PDZD2: variants seen among roughly 807,000 people sequenced by gnomAD.
PDZD2 encodes PDZ domain containing 2.
In PDZD2, 90 loss-of-function variants were observed where a neutral mutation model predicts 220.7. That is an observed-to-expected ratio of 0.41 (90% CI 0.34 to 0.49). PDZD2 has a LOEUF of 0.49. PDZD2 is among the 20% of genes least tolerant of loss of function. The probability of loss-of-function intolerance (pLI) is 0.28; values close to 1 mark genes in which losing one functional copy is unlikely to be tolerated. For synonymous variants in PDZD2, 1,375 were observed against 1,450.5 expected, an observed-to-expected ratio of 0.95 and a Z score of 1.18; for missense variants, 3,174 against 3,608.5, an observed-to-expected ratio of 0.88 and a Z score of 3.08.
At position 32,098,369 on chromosome 5, in the gene PDZD2, C is replaced by T; in HGVS notation, c.7953C>T (p.His2651=). 1.2e-6 allele frequency: 2 copies of T among 1,613,934 alleles called. No homozygotes were observed. Among genetic ancestry groups the T allele is most frequent in the Non-Finnish European group, 1.7e-6 (2 of 1,179,906 alleles). The part of the protein sequence containing the change: ...TDVEPKSITV[H]RVFSQGAASQ... ...TTTTCCTTTCCTCATCCCAGGTCCACAGGGTGTTTTCTCAGGGGGCGGCTT... is the reference window on the plus strand; with the variant it reads ...TTTTCCTTTCCTCATCCCAGGTCCATAGGGTGTTTTCTCAGGGGGCGGCTT... The change falls in exon 23 of 25, where the codon CAC becomes CAT. Residue 2651 remains histidine, a synonymous_variant. Coordinates refer to ENST00000438447, the MANE Select transcript of PDZD2 (RefSeq NM_178140.4). This position sits in a 1 kb window ranked among gnomAD's most constrained non-coding sequence, Gnocchi z 4.1.
intron 3 of PDZD2, among the ~76,000 whole-genome samples, chr5:31,992,583 A>T (rs1751306062): frequency 6.6e-6 from 1 of 152,212 alleles, no homozygotes; most frequent in Admixed American, 6.5e-5. Flanking sequence ...AACCATACTT[A>T]CATGTTTTGT....
intron 2 of PDZD2, among the ~76,000 whole-genome samples, chr5:31,979,579 CAAAAAAA>C (rs10590418): frequency 7.2e-6 from 1 of 138,560 alleles, no homozygotes; most frequent in East Asian, 2.1e-4. Flanking sequence ...GACTCTGTCT[CAAAAAAA>C]AAAAAAAAAA....
chr5:31,675,528 C>T (rs1746374472), intron 1 of PDZD2, among the ~76,000 whole-genome samples: 1 of 152,154 alleles, frequency 6.6e-6, no homozygotes, highest in South Asian at 2.1e-4. Flanking sequence ...TTGTACTAAG[C>T]ACTTTGCATG....
At chr5:31,849,581 C>T (rs1016160276) in intron 2 of PDZD2, among the ~76,000 whole-genome samples, 3 of 151,958 alleles carry the variant, frequency 2.0e-5, no homozygotes, top group Non-Finnish European at 2.9e-5. Flanking sequence ...AGGTGGCTCA[C>T]GCCTGTAATC....
chr5:32,008,524 G>A (rs1304128141), intron 5 of PDZD2, among the ~76,000 whole-genome samples: 1 of 152,072 alleles, frequency 6.6e-6, no homozygotes, highest in Non-Finnish European at 1.5e-5. Flanking sequence ...GACCTCAGGT[G>A]ATCCACCCGC....
intron 2 of PDZD2, among the ~76,000 whole-genome samples, chr5:31,856,933 T>A (rs915041873): frequency 9.3e-6 from 1 of 107,744 alleles, no homozygotes; most frequent in Non-Finnish European, 2.3e-5. Flanking sequence ...TATATATATA[T>A]ATAACTTTAA....
chr5:32,068,959 A>C (rs1353557868), intron 14 of PDZD2, among the ~76,000 whole-genome samples: 1 of 152,146 alleles, frequency 6.6e-6, no homozygotes, highest in African/African-American at 2.4e-5. Context: ...TGTTTTATGT[A>C]GGTTTAAAAT....
At position 31,983,140 on chromosome 5, in the gene PDZD2, C is replaced by T; in HGVS notation, c.477-15C>T. 6.2e-7 allele frequency: 1 copy of T among 1,605,502 alleles called. No homozygotes were observed. Among genetic ancestry groups the T allele is most frequent in the South Asian group, 1.1e-5 (1 of 89,628 alleles). ...GTGTGTGGGGTTCTAACTGGCACCT[C>T]TCTGTCTGTTGCAGTTACCTGGCTG... On this transcript the variant is annotated splice_polypyrimidine_tract_variant and intron_variant, in intron 2 of 24. Coordinates refer to ENST00000438447, the MANE Select transcript of PDZD2 (RefSeq NM_178140.4).
intron 1 of PDZD2, among the ~76,000 whole-genome samples, chr5:31,718,693 C>T (rs112280939): frequency 0.23 from 30,036 of 130,356 alleles, 3,434 homozygotes; most frequent in African/African-American, 0.31. Flanking sequence ...GTAACAGCCT[C>T]ATTTTTTTTT....
intron 2 of PDZD2, among the ~76,000 whole-genome samples, chr5:31,977,410 A>C (rs780230529): frequency 1.3e-5 from 2 of 152,082 alleles, no homozygotes; most frequent in African/African-American, 4.8e-5. Context: ...GCTTTCTGAC[A>C]TCTCCCTGTA....
chr5:32,046,955 A>C (rs1008255898), intron 7 of PDZD2, among the ~76,000 whole-genome samples: 2 of 152,164 alleles, frequency 1.3e-5, no homozygotes, highest in African/African-American at 4.8e-5. Flanking sequence ...AGGCAGGAGA[A>C]TCACTTGAAC....
At chr5:31,967,513 G>A (rs1445484033) in intron 2 of PDZD2, among the ~76,000 whole-genome samples, 1 of 152,184 alleles carries the variant, frequency 6.6e-6, no homozygotes, top group Non-Finnish European at 1.5e-5. Context: ...GGGGCAGTGT[G>A]CAACTCAGCC....
At chr5:31,645,229 C>G (rs369349403) in intron 1 of PDZD2, among the ~76,000 whole-genome samples, 1 of 151,944 alleles carries the variant, frequency 6.6e-6, no homozygotes, top group Non-Finnish European at 1.5e-5. Context: ...GAGGAAGGGG[C>G]GTCCATGGCA....
At chr5:31,883,093 T>C (rs1212060462) in intron 2 of PDZD2, among the ~76,000 whole-genome samples, 1 of 148,674 alleles carries the variant, frequency 6.7e-6, no homozygotes, top group Non-Finnish European at 1.5e-5. Context: ...AATTCCCTGC[T>C]CTCAGGGAGC....
chr5:31,835,116 A>G lies in PDZD2; in HGVS notation c.476+35392A>G, dbSNP rs868839281. ...CCTCTTAGATGATTTTGAGGCAAAGAAAAAACATTCTGTATGTTAGAGGAA... is the reference window on the plus strand; with the variant it reads ...CCTCTTAGATGATTTTGAGGCAAAGGAAAAACATTCTGTATGTTAGAGGAA... On this transcript the variant is annotated intron_variant, in intron 2 of 24. Coordinates refer to ENST00000438447, the MANE Select transcript of PDZD2 (RefSeq NM_178140.4). 5.3e-5 allele frequency among the ~76,000 whole-genome samples: 8 copies of G among 152,162 alleles called. 1 individual carries two copies. Among genetic ancestry groups the G allele is most frequent in the Admixed American group, 6.5e-5 (1 of 15,278 alleles).
intron 1 of PDZD2, among the ~76,000 whole-genome samples, chr5:31,728,118 A>G (rs1478501224): frequency 6.6e-6 from 1 of 151,890 alleles, no homozygotes; most frequent in African/African-American, 2.4e-5. Flanking sequence ...ATGATTTCTC[A>G]GCATTATTGA....
At chr5:31,709,955 C>CA (rs966738963) in intron 1 of PDZD2, among the ~76,000 whole-genome samples, 4 of 151,706 alleles carry the variant, frequency 2.6e-5, no homozygotes, top group Non-Finnish European at 4.4e-5. Context: ...GACTCCATCT[C>CA]AAAAAAAAGA....
At chr5:32,032,129 T>A (rs866003907) in intron 6 of PDZD2, among the ~76,000 whole-genome samples, 6 of 152,300 alleles carry the variant, frequency 3.9e-5, no homozygotes, top group Admixed American at 6.5e-5. Flanking sequence ...CTTCTCTTCT[T>A]CATTTCTGAA....
rs570859667 is a variant in PDZD2 at position 32,072,638 on chromosome 5, G to A, written c.2725+321G>A. Among the ~76,000 whole-genome samples the A allele has an allele frequency of 5.3e-5, 8 of 152,300 alleles. 2 individuals are homozygous for A. Among genetic ancestry groups the A allele is most frequent in the African/African-American group, 1.9e-4 (8 of 41,568 alleles). ...CCCAGCTACTTGGGAGGCTGAGTGG[G>A]GAGAATTGCTTGAACCTGGGAGACA... On this transcript the variant is annotated intron_variant, in intron 17 of 24. Coordinates refer to ENST00000438447, the MANE Select transcript of PDZD2 (RefSeq NM_178140.4).
Sources: allele counts gnomAD v4.1 joint callset (sites outside exome capture counted in the v4.1 genomes callset), GRCh38; gene constraint gnomAD v4.1.1; non-coding constraint Gnocchi (gnomAD v3.1); transcripts MANE v1.5; gene names NCBI Gene and HGNC (gene_info 2026-07-23, HGNC 2026-07-21).